WASF1: variants seen among roughly 807,000 people sequenced by gnomAD.
WASF1 encodes the protein WASP family member 1, also known as actin-binding protein WASF1.
A neutral mutation model predicts 50.5 loss-of-function variants in WASF1; 7 were observed. The ratio of observed to expected loss-of-function variants is 0.14; its 90% CI spans 0.08 to 0.26. The LOEUF (loss-of-function observed/expected upper bound fraction) is 0.26. Among genes scored for constraint, WASF1 ranks in the 10% least tolerant of loss-of-function variants. WASF1 has a pLI of 1.00. For missense variants in WASF1, 470 were observed against 694.7 expected, an observed-to-expected ratio of 0.68 and a Z score of 3.64; for synonymous variants, 205 against 244.0, an observed-to-expected ratio of 0.84 and a Z score of 1.49.
chr6:110,103,606 G>C (rs777338199), intron 8 of WASF1, 49 bp from the exon 9 acceptor site: 1 of 1,494,118 alleles, frequency 6.7e-7, no homozygotes, highest in Non-Finnish European at 9.1e-7. Context: ...TTATTGGGAG[G>C]AAAGGGTTCT....
Position 110,179,545 on chromosome 6 carries a change from G to T in WASF1, c.-378C>A, listed in dbSNP as rs1777114283. 1 of 152,046 alleles carries T rather than the reference G, an allele frequency of 6.6e-6. No homozygotes were observed. Among genetic ancestry groups the T allele is most frequent in the Non-Finnish European group, 1.5e-5 (1 of 67,996 alleles). 9.4% of individuals were successfully genotyped at this position (152,046 alleles called of 1,614,324 possible). On this transcript the variant is annotated 5_prime_UTR_variant, in exon 1 of 11. Coordinates refer to ENST00000392589, the MANE Select transcript of WASF1 (RefSeq NM_003931.3). ...CGCCTAGAGCCCCCAGGAGGGTCGG[G>T]CTCTGGGGCGGAACCCGCTCAGGGC...
intron 2 of WASF1, chr6:110,177,306 CTA>C (rs1423803446): frequency 2.6e-5 from 4 of 151,930 alleles, no homozygotes; most frequent in Non-Finnish European, 5.9e-5. Flanking sequence ...ACTATTTTAT[CTA>C]TATGTTTAAC....
intron 3 of WASF1, among the ~76,000 whole-genome samples, chr6:110,152,252 G>C (rs534463205): frequency 1.3e-5 from 2 of 152,214 alleles, no homozygotes; most frequent in East Asian, 3.9e-4. Context: ...GCTACTGCTG[G>C]CTTAAAGATG....
chr6:110,107,053 C>G (rs1554199762), intron 7 of WASF1, 24 bp downstream of exon 7: 3 of 1,517,930 alleles, frequency 2.0e-6, no homozygotes, highest in Non-Finnish European at 2.7e-6. Flanking sequence ...AAATTAACCT[C>G]AATTTTTTAA....
At chr6:110,102,407 A>G (rs958218263) in intron 9 of WASF1, among the ~76,000 whole-genome samples, 191 bp from the exon 10 acceptor site, 5 of 152,168 alleles carry the variant, frequency 3.3e-5, no homozygotes, top group African/African-American at 9.7e-5. Flanking sequence ...CAATAAAAAA[A>G]TTAATGAGTG....
chr6:110,143,827 C>CA (rs1775389354), intron 3 of WASF1, among the ~76,000 whole-genome samples: 2 of 152,100 alleles, frequency 1.3e-5, no homozygotes, highest in African/African-American at 4.8e-5. Context: ...TTAATGTTAA[C>CA]TAAAAAATTA....
At position 110,100,390 on chromosome 6, in the gene WASF1, G is replaced by A. The variant is rs1412247603; in HGVS notation, c.*132C>T. On this transcript the variant is annotated 3_prime_UTR_variant, in exon 11 of 11. Coordinates refer to ENST00000392589, the MANE Select transcript of WASF1 (RefSeq NM_003931.3). Reference sequence around the variant, plus strand: ...CTAATATTTTCCTTAGAAATCAAAAGTTATGGAGGAAAAGGGTCATTTATT... The same window carrying A: ...CTAATATTTTCCTTAGAAATCAAAAATTATGGAGGAAAAGGGTCATTTATT... 27 of 844,548 alleles carry A rather than the reference G, an allele frequency of 3.2e-5. No homozygotes were observed. The highest frequency in any genetic ancestry group is 8.5e-6 in the Non-Finnish European group (5 of 589,544). The allele number at this position is 844,548 out of a possible 1,614,324, so 52.3% of individuals were successfully genotyped here. A position where few individuals can be genotyped will look rare whatever the true frequency, so the allele number is the denominator to read the frequency against.
intron 3 of WASF1, among the ~76,000 whole-genome samples, chr6:110,140,091 T>C (rs977288838): frequency 3.3e-5 from 5 of 152,118 alleles, no homozygotes; most frequent in Non-Finnish European, 7.3e-5. Context: ...GATTAGAGGG[T>C]TGGAACTTTC....
intron 5 of WASF1, among the ~76,000 whole-genome samples, chr6:110,112,384 G>A (rs925662356): frequency 6.6e-6 from 1 of 151,738 alleles, no homozygotes; most frequent in African/African-American, 2.4e-5. Context: ...GGGAAACGTC[G>A]GCATTCAATG....
At chr6:110,102,358 C>G in intron 9 of WASF1, 142 bp from the exon 10 acceptor site, 1 of 779,362 alleles carries the variant, frequency 1.3e-6, no homozygotes, top group South Asian at 6.1e-5. Context: ...TTAACATCTT[C>G]AACAGTATTT....
At chr6:110,102,636 C>T (rs1022277950) in intron 9 of WASF1, among the ~76,000 whole-genome samples, 2 of 152,082 alleles carry the variant, frequency 1.3e-5, no homozygotes, top group Non-Finnish European at 2.9e-5. Context: ...TCATCATATG[C>T]TATTTCAGTT....
chr6:110,152,093 T>A lies in WASF1; in HGVS notation c.-29+8542A>T, dbSNP rs554872782. Among the ~76,000 whole-genome samples the A allele has an allele frequency of 1.1e-3, 169 of 152,324 alleles. 2 individuals carry two copies. The highest frequency in any genetic ancestry group is 3.4e-3 in the Middle Eastern group (1 of 294). ...CATGTTAAGAGAGGTTTTAAAGATA[T>A]AATTATGGTCAATTATCAGCTGACC... On this transcript the variant is annotated intron_variant, in intron 3 of 10. Coordinates refer to ENST00000392589, the MANE Select transcript of WASF1 (RefSeq NM_003931.3).
At chr6:110,120,472 C>T (rs978808209) in intron 4 of WASF1, among the ~76,000 whole-genome samples, 14 of 152,186 alleles carry the variant, frequency 9.2e-5, no homozygotes, top group Non-Finnish European at 1.2e-4. Flanking sequence ...AGGAATCCAA[C>T]TTACAAGGGA....
At chr6:110,173,216 A>T (rs939684517) in intron 2 of WASF1, among the ~76,000 whole-genome samples, 1 of 152,116 alleles carries the variant, frequency 6.6e-6, no homozygotes, top group Non-Finnish European at 1.5e-5. Flanking sequence ...CTTTTCAAAT[A>T]AGTTAGTCAA....
chr6:110,106,582 T>C (rs534995287), intron 7 of WASF1, among the ~76,000 whole-genome samples: 2 of 152,318 alleles, frequency 1.3e-5, no homozygotes, highest in African/African-American at 4.8e-5. Context: ...AAAATGACAA[T>C]AACAGAAATT....
At chr6:110,172,675 T>C (rs1390004285) in intron 2 of WASF1, among the ~76,000 whole-genome samples, 1 of 152,026 alleles carries the variant, frequency 6.6e-6, no homozygotes, top group Non-Finnish European at 1.5e-5. Flanking sequence ...GTGAACTAAC[T>C]CAGAAACAGA....
At chr6:110,121,357 T>A (rs1017522482) in intron 4 of WASF1, among the ~76,000 whole-genome samples, 2 of 151,632 alleles carry the variant, frequency 1.3e-5, no homozygotes, top group African/African-American at 4.9e-5. Flanking sequence ...AACAACCCGA[T>A]CAAAAAGTGG....
chr6:110,178,231 T>C (rs1318770744), intron 2 of WASF1, among the ~76,000 whole-genome samples: 2 of 152,280 alleles, frequency 1.3e-5, no homozygotes, highest in Middle Eastern at 3.4e-3. Context: ...ACTTTTCTTA[T>C]TCAAAACTTC....
chr6:110,102,152 C>T lies in WASF1; in HGVS notation c.958G>A (p.Val320Met). The T allele has an allele frequency of 6.8e-7, 1 of 1,477,868 alleles. No homozygotes were observed. The highest frequency in any genetic ancestry group is 2.4e-5 in the East Asian group (1 of 41,858). 91.5% of individuals were successfully genotyped at this position (1,477,868 alleles called of 1,614,324 possible). ...SPATGRTPVF[V>M]SPTPPPPPPP... Reference sequence around the variant, plus strand: ...GGAGGAGGTGGGGGAGTGGGGCTCACAAACACAGGTGTTCTGCCTGTAGCT... The same window carrying T: ...GGAGGAGGTGGGGGAGTGGGGCTCATAAACACAGGTGTTCTGCCTGTAGCT... The change falls in exon 10 of 11, where the codon GTG (valine) becomes ATG (methionine). Residue 320 changes from valine to methionine, a missense_variant. By Grantham distance (21) the Val-to-Met change is conservative. Transcript: ENST00000392589.
Sources: gnomAD v4.1 joint callset for allele counts (sites outside exome capture counted in the v4.1 genomes callset) on GRCh38, gnomAD v4.1.1 for gene constraint, MANE v1.5 for transcripts, NCBI Gene and HGNC (gene_info 2026-07-23, HGNC 2026-07-21) for gene names.